The following KDM6A variants were observed in gnomAD, a reference collection of about 807,000 sequenced individuals.
KDM6A encodes lysine-specific demethylase 6A.
Under a neutral mutation model 117.6 loss-of-function variants are expected in KDM6A, and 11 were observed. That is an observed-to-expected ratio of 0.09 (90% confidence interval 0.06 to 0.15). KDM6A has a LOEUF of 0.15. Among genes scored for constraint, KDM6A ranks in the 10% least tolerant of loss-of-function variants. The pLI, the probability that KDM6A is intolerant of heterozygous loss-of-function variation, is 1.00. For missense variants in KDM6A, 799 were observed against 1,077.3 expected, an observed-to-expected ratio of 0.74 and a Z score of 3.62; for synonymous variants, 384 against 396.1, an observed-to-expected ratio of 0.97 and a Z score of 0.36.
intron 2 of KDM6A, among the ~76,000 whole-genome samples, chrX:44,940,019 C>T (rs1340160948): frequency 8.9e-6 from 1 of 111,917 alleles, no homozygotes; most frequent in Non-Finnish European, 1.9e-5. Flanking sequence ...CCAATTATCC[C>T]CAAAGTATGC....
At chrX:45,095,453 A>C (rs1020149736) in intron 27 of KDM6A, among the ~76,000 whole-genome samples, 1 of 111,453 alleles carries the variant, frequency 9.0e-6, no homozygotes, top group Non-Finnish European at 1.9e-5. Flanking sequence ...ATGCCTGTTT[A>C]AGAAAAAGAA....
intron 8 of KDM6A, among the ~76,000 whole-genome samples, chrX:45,040,440 C>A (rs1252491109): frequency 1.2e-5 from 1 of 80,838 alleles, no homozygotes; most frequent in Non-Finnish European, 2.4e-5. Context: ...GCTGGCCGGG[C>A]GGGGGGCTGA....
At chrX:44,908,520 T>C (rs1835704506) in intron 2 of KDM6A, among the ~76,000 whole-genome samples, 1 of 111,669 alleles carries the variant, frequency 9.0e-6, no homozygotes, top group Non-Finnish European at 1.9e-5. Context: ...CAAGGGCCTG[T>C]ATATGGCCTT....
At chrX:44,938,588 A>G (rs1602266595) in intron 2 of KDM6A, among the ~76,000 whole-genome samples, 2 of 112,433 alleles carry the variant, frequency 1.8e-5, no homozygotes, top group African/African-American at 6.5e-5. Flanking sequence ...AAGTGTAGCA[A>G]GTTATCCAGA....
intron 6 of KDM6A, among the ~76,000 whole-genome samples, chrX:45,027,540 A>G (rs1048592692): frequency 2.2e-4 from 24 of 110,907 alleles, no homozygotes; most frequent in Non-Finnish European, 4.3e-4. Context: ...ATATGACTCA[A>G]TTTTCTTAGG....
At chrX:44,912,020 A>G (rs1488245385) in intron 2 of KDM6A, among the ~76,000 whole-genome samples, 1 of 88,214 alleles carries the variant, frequency 1.1e-5, no homozygotes, top group Non-Finnish European at 2.2e-5. Flanking sequence ...GATCGTGGAA[A>G]GGAGGGAGAG....
chrX:45,036,142 G>A (rs1321545422), intron 7 of KDM6A, among the ~76,000 whole-genome samples: 1 of 111,573 alleles, frequency 9.0e-6, no homozygotes, highest in Non-Finnish European at 1.9e-5. Context: ...TTTTGAGATG[G>A]GGTCTTTCTC....
At chrX:44,935,222 T>C (rs1418347726) in intron 2 of KDM6A, among the ~76,000 whole-genome samples, 3 of 111,903 alleles carry the variant, frequency 2.7e-5, no homozygotes, top group Admixed American at 1.9e-4. Flanking sequence ...TAAAATGTGT[T>C]CTTAAAGAAA....
intron 4 of KDM6A, among the ~76,000 whole-genome samples, chrX:44,999,371 A>G (rs977171578): frequency 3.6e-5 from 4 of 111,075 alleles, no homozygotes; most frequent in South Asian, 7.6e-4. Flanking sequence ...TAGTTCCCCT[A>G]TTGGCGAGGG....
At chrX:44,975,607 T>C (rs1291387450) in intron 4 of KDM6A, among the ~76,000 whole-genome samples, 2 of 112,180 alleles carry the variant, frequency 1.8e-5, no homozygotes, top group Non-Finnish European at 1.9e-5. Flanking sequence ...ATTCACATGC[T>C]ATAAAATTAT....
At chrX:44,887,409 G>C (rs1219952129) in intron 2 of KDM6A, among the ~76,000 whole-genome samples, 1 of 111,098 alleles carries the variant, frequency 9.0e-6, no homozygotes, top group Non-Finnish European at 1.9e-5. Context: ...AATATTTTCA[G>C]CTAGTTTAGT....
At chrX:44,940,692 T>C (rs1453568988) in intron 2 of KDM6A, among the ~76,000 whole-genome samples, 2 of 112,064 alleles carry the variant, frequency 1.8e-5, no homozygotes, top group Non-Finnish European at 3.8e-5. Flanking sequence ...TAATTAATCA[T>C]TGTACAAAAA....
chrX:44,941,456 C>T (rs1279115623), intron 2 of KDM6A, among the ~76,000 whole-genome samples: 1 of 107,043 alleles, frequency 9.3e-6, no homozygotes, highest in Non-Finnish European at 1.9e-5. Flanking sequence ...CCTCTTCCAT[C>T]GTTGTATATA....
chrX:44,983,380 A>G (rs1444119648), intron 4 of KDM6A, among the ~76,000 whole-genome samples: 2 of 111,762 alleles, frequency 1.8e-5, no homozygotes, highest in East Asian at 5.6e-4. Flanking sequence ...GACAATGCAG[A>G]AATGAATAAG....
chrX:44,964,315 G>A (rs2038891730), intron 3 of KDM6A, among the ~76,000 whole-genome samples: 1 of 107,510 alleles, frequency 9.3e-6, no homozygotes, highest in African/African-American at 3.4e-5. Context: ...TGGGTGCGGT[G>A]GTGTGTGCCT....
intron 4 of KDM6A, 124 bp from the exon 5 acceptor site, chrX:45,010,837 A>G: frequency 2.0e-6 from 1 of 490,758 alleles, no homozygotes; most frequent in Non-Finnish European, 3.5e-6. Flanking sequence ...TTTTAAAAAT[A>G]TATTGTAATG....
At chrX:45,023,491 G>C (rs1171360530) in intron 6 of KDM6A, among the ~76,000 whole-genome samples, 1 of 111,096 alleles carries the variant, frequency 9.0e-6, no homozygotes, top group African/African-American at 3.3e-5. Flanking sequence ...AAACCAACTT[G>C]GTTTTCAAAA....
intron 18 of KDM6A, among the ~76,000 whole-genome samples, chrX:45,073,597 T>A (rs1349089419): frequency 8.9e-6 from 1 of 112,200 alleles, no homozygotes; most frequent in African/African-American, 3.2e-5. Flanking sequence ...CTCATTGTGG[T>A]TTTGATTTGC....
chrX:44,900,921 T>C (rs2034300552), intron 2 of KDM6A, among the ~76,000 whole-genome samples: 1 of 112,359 alleles, frequency 8.9e-6, no homozygotes, highest in African/African-American at 3.2e-5. Flanking sequence ...CTGTGTAATA[T>C]GTTTAATAAT....
Sources: allele counts gnomAD v4.1 joint callset (sites outside exome capture counted in the v4.1 genomes callset), GRCh38; gene constraint gnomAD v4.1.1; transcripts MANE v1.5; gene names NCBI Gene and HGNC (gene_info 2026-07-23, HGNC 2026-07-21).